The following COL4A6 variants were observed in gnomAD, a reference collection of about 807,000 sequenced individuals.
COL4A6 encodes the protein collagen type IV alpha 6 chain, also known as collagen alpha-6(IV) chain.
Under a neutral mutation model 126.7 loss-of-function variants are expected in COL4A6, and 59 were observed. The ratio of observed to expected loss-of-function variants is 0.47; its 90% CI spans 0.38 to 0.58. The LOEUF is 0.58. COL4A6 is among the 20% of genes least tolerant of loss of function. The probability of loss-of-function intolerance (pLI) is 0.00; values close to 1 mark genes in which losing one functional copy is unlikely to be tolerated. For synonymous variants in COL4A6, 547 were observed against 496.6 expected (o/e 1.10, Z -1.35); for missense variants, 1,285 against 1,337.3 (o/e 0.96, Z 0.61).
In COL4A6 at chrX:108,202,997, A is replaced by G. The variant is rs186615995; in HGVS notation, c.781-16T>C. ...CTGGTTCACCCTGGAAAATCAGCCC[A>G]AGGTTAGTAAGTAGCATCAGGAAGC... On this transcript the variant is annotated splice_polypyrimidine_tract_variant and intron_variant, in intron 12 of 44. Transcript: ENST00000334504. The G allele has an allele frequency of 5.8e-6, 7 of 1,198,741 alleles. No individual in the cohort carries two copies. Among genetic ancestry groups the G allele is most frequent in the Non-Finnish European group, 7.9e-6 (7 of 885,445 alleles).
intron 3 of COL4A6, among the ~76,000 whole-genome samples, chrX:108,259,959 C>T (rs1324925670): frequency 9.1e-6 from 1 of 109,845 alleles, no homozygotes; most frequent in Non-Finnish European, 1.9e-5. Context: ...TAATTAGAAG[C>T]CTCCATTCTA....
At chrX:108,326,581 T>C (rs2039162522) in intron 2 of COL4A6, among the ~76,000 whole-genome samples, 1 of 111,364 alleles carries the variant, frequency 9.0e-6, no homozygotes, top group Non-Finnish European at 1.9e-5. Context: ...ATCAAGAGAG[T>C]GTAAAGACAG....
chrX:108,192,749 C>G (rs780093910), intron 17 of COL4A6, among the ~76,000 whole-genome samples, 169 bp from the exon 18 acceptor site: 1 of 112,527 alleles, frequency 8.9e-6, no homozygotes, highest in Admixed American at 9.3e-5. Context: ...CTTCTGGAGC[C>G]AAGGGGCCTT....
intron 3 of COL4A6, among the ~76,000 whole-genome samples, chrX:108,298,962 A>C (rs757849622): frequency 9.0e-6 from 1 of 111,313 alleles, no homozygotes; most frequent in Non-Finnish European, 1.9e-5. Context: ...ATGGGACCCC[A>C]GTTCTGATAA....
chrX:108,380,314 T>C (rs1196923112), intron 2 of COL4A6, among the ~76,000 whole-genome samples: 1 of 112,498 alleles, frequency 8.9e-6, no homozygotes, highest in African/African-American at 3.2e-5. Flanking sequence ...ATAGCTGAAT[T>C]GCCATTTAAG....
At chrX:108,343,161 ATATAGTGT>A (rs765087685) in intron 2 of COL4A6, among the ~76,000 whole-genome samples, 8,626 of 53,821 alleles carry the variant, frequency 0.16, 721 homozygotes, top group Non-Finnish European at 0.23. Flanking sequence ...ATATATATAT[ATATAGTGT>A]GTGTGTGTGT....
intron 2 of COL4A6, among the ~76,000 whole-genome samples, chrX:108,435,668 C>G (rs1046875662): frequency 8.9e-6 from 1 of 111,776 alleles, no homozygotes; most frequent in Non-Finnish European, 1.9e-5. Context: ...CATTCTTTAA[C>G]ATGGATTTTA....
chrX:108,300,015 G>A (rs1227369826), intron 3 of COL4A6, among the ~76,000 whole-genome samples: 2 of 111,838 alleles, frequency 1.8e-5, no homozygotes, highest in Non-Finnish European at 1.9e-5. Context: ...GGAAACAGAT[G>A]CTCTTTCAGG....
At chrX:108,236,644 C>T (rs1295825241) in intron 3 of COL4A6, among the ~76,000 whole-genome samples, 1 of 111,751 alleles carries the variant, frequency 8.9e-6, no homozygotes, top group Non-Finnish European at 1.9e-5. Flanking sequence ...CTGTAAGCTA[C>T]GATCCCATCT....
Position 108,260,806 on chromosome X carries a change from A to G in COL4A6, c.145-39432T>C, listed in dbSNP as rs1176639596. ...ATGTCTTGGAATGCCCTATGGTGAT[A>G]CTGTTTTCCTAATTTAACATAATGT... is the stretch of plus-strand genomic sequence containing the variant. On this transcript the variant is annotated intron_variant, in intron 3 of 44. Coordinates refer to ENST00000334504, the MANE Select transcript of COL4A6 (RefSeq NM_033641.4). Among the ~76,000 whole-genome samples, 3 of 109,291 alleles carry G rather than the reference A, an allele frequency of 2.7e-5. No individual in the cohort carries two copies. The East Asian group carries it at 8.8e-4, about 32-fold the overall frequency. The allele number at this position is 109,291 out of a possible 115,157, so 94.9% of individuals were successfully genotyped here.
intron 3 of COL4A6, among the ~76,000 whole-genome samples, chrX:108,283,591 G>T (rs1376669096): frequency 1.8e-5 from 2 of 108,750 alleles, no homozygotes; most frequent in Non-Finnish European, 3.8e-5. Flanking sequence ...TTTTTTTTGG[G>T]GGGGGGTTGG....
intron 2 of COL4A6, among the ~76,000 whole-genome samples, chrX:108,337,512 C>T (rs187458337): frequency 3.5e-5 from 4 of 112,959 alleles, no homozygotes; most frequent in Admixed American, 9.3e-5. Context: ...AGTTCTTGCT[C>T]GTGAAGCGAG....
At chrX:108,235,622 A>G (rs1374138511) in intron 3 of COL4A6, among the ~76,000 whole-genome samples, 3 of 111,307 alleles carry the variant, frequency 2.7e-5, no homozygotes, top group Admixed American at 9.6e-5. Flanking sequence ...ACAGCTCACT[A>G]AAGACTCATG....
chrX:108,413,696 T>C (rs891858799), intron 2 of COL4A6, among the ~76,000 whole-genome samples: 2 of 111,769 alleles, frequency 1.8e-5, no homozygotes, highest in Admixed American at 9.5e-5. Flanking sequence ...ACTGCTTTGA[T>C]GGAAACAGGA....
chrX:108,364,344 A>G (rs1430216449), intron 2 of COL4A6, among the ~76,000 whole-genome samples: 2 of 110,430 alleles, frequency 1.8e-5, no homozygotes. Context: ...TGTCTAATGA[A>G]AGGAAAAAAA....
intron 2 of COL4A6, among the ~76,000 whole-genome samples, chrX:108,387,775 G>A (rs779016258): frequency 8.9e-5 from 10 of 112,067 alleles, no homozygotes; most frequent in African/African-American, 3.2e-4. Flanking sequence ...GGTGAGATAG[G>A]ACATCCTTGC....
intron 2 of COL4A6, among the ~76,000 whole-genome samples, chrX:108,381,137 A>G (rs1303661279): frequency 1.8e-5 from 2 of 111,790 alleles, no homozygotes; most frequent in African/African-American, 3.3e-5. Context: ...TATCTTATTT[A>G]TTATCTTCTA....
chrX:108,398,634 A>T (rs1030726043), intron 2 of COL4A6, among the ~76,000 whole-genome samples: 3 of 111,260 alleles, frequency 2.7e-5, no homozygotes, highest in African/African-American at 9.8e-5. Flanking sequence ...TTCAATGAAA[A>T]AATTCAAAAC....
chrX:108,410,449 G>A (rs1359505464), intron 2 of COL4A6, among the ~76,000 whole-genome samples: 1 of 110,758 alleles, frequency 9.0e-6, no homozygotes, highest in African/African-American at 3.3e-5. Context: ...GTAAAGGATG[G>A]CCTTTACCAT....
Sources: allele counts gnomAD v4.1 joint callset (sites outside exome capture counted in the v4.1 genomes callset), GRCh38; gene constraint gnomAD v4.1.1; transcripts MANE v1.5; gene names NCBI Gene and HGNC (gene_info 2026-07-23, HGNC 2026-07-21).